Variants in ABCA3 observed in about 807,000 individuals in gnomAD.
The protein encoded by ABCA3 is ATP binding cassette subfamily A member 3.
Under a neutral mutation model 172.8 loss-of-function variants are expected in ABCA3, and 88 were observed. The observed-to-expected ratio is 0.51, with a 90% CI of 0.43 to 0.61. The LOEUF is 0.61. ABCA3 is among the 20% of genes least tolerant of loss of function. The probability of loss-of-function intolerance (pLI) is 0.00; values close to 1 mark genes in which losing one functional copy is unlikely to be tolerated. For missense variants in ABCA3, 2,164 were observed against 2,301.0 expected, an observed-to-expected ratio of 0.94 and a Z score of 1.22; for synonymous variants, 1,066 against 983.8, an observed-to-expected ratio of 1.08 and a Z score of -1.56.
rs1596861191 is a variant in ABCA3 at position 2,318,972 on chromosome 16, G to A, written c.873+609C>T. 3.3e-5 allele frequency among the ~76,000 whole-genome samples: 5 copies of A among 150,866 alleles called. No homozygotes were observed. The South Asian group carries it at 8.3e-4, about 25-fold the overall frequency. Reference sequence around the variant, plus strand: ...ATGTGCACACTTTTTTTTTTTTCAGGATCATTTTATAGCCCACTGCTGACT... The same window carrying A: ...ATGTGCACACTTTTTTTTTTTTCAGAATCATTTTATAGCCCACTGCTGACT... On this transcript the variant is annotated intron_variant, in intron 8 of 32. Transcript: ENST00000301732.
At chr16:2,321,534 C>T (rs947913511) in intron 7 of ABCA3, among the ~76,000 whole-genome samples, 8 of 152,162 alleles carry the variant, frequency 5.3e-5, no homozygotes, top group South Asian at 2.1e-4. Context: ...CCGTGAAATA[C>T]GACGTTCTCC....
At chr16:2,276,942 G>C in intron 32 of ABCA3, 137 bp from the exon 33 acceptor site, 2 of 1,335,612 alleles carry the variant, frequency 1.5e-6, no homozygotes, top group Non-Finnish European at 2.1e-6. Context: ...CAGAGCCCCA[G>C]AGAGGTCAGC....
rs753182174 is a variant in ABCA3 at position 2,319,749 on chromosome 16, G to A, written c.705C>T (p.Phe235=). 5.0e-6 allele frequency: 8 copies of A among 1,613,998 alleles called. No homozygotes were observed. The Admixed American group carries it at 6.7e-5, about 13-fold the overall frequency. Reference sequence around the variant, plus strand: ...TCTTGATGGTCACCGTCAGTCTCTGGAACAGCTGGCGTGTGGCGGCATCGG... The same window carrying A: ...TCTTGATGGTCACCGTCAGTCTCTGAAACAGCTGGCGTGTGGCGGCATCGG... ...YHADAATRQL[F]QRLTVTIKRF... is the part of the protein sequence containing the mutation. The change falls in exon 8 of 33, where the codon TTC becomes TTT. Residue 235 remains phenylalanine, a synonymous_variant. Transcript: ENST00000301732.
At chr16:2,292,751 C>T (rs1567341386) in intron 18 of ABCA3, among the ~76,000 whole-genome samples, 1 of 152,104 alleles carries the variant, frequency 6.6e-6, no homozygotes, top group African/African-American at 2.4e-5. Flanking sequence ...GAAACTCTGT[C>T]TCTACTAAAA....
chr16:2,277,796 C>T lies in ABCA3; in HGVS notation c.4909+83G>A. On this transcript the variant is annotated intron_variant, in intron 31 of 32. Coordinates refer to ENST00000301732, the MANE Select transcript of ABCA3 (RefSeq NM_001089.3). This position sits in a 1 kb window ranked among gnomAD's most constrained non-coding sequence, Gnocchi z 5.3. ...AGATGGGACTTGGCGGGGCGAGGCA[C>T]AGACGCTCCGCACAGCAGATGGGAG... 6.3e-7 allele frequency: 1 copy of T among 1,594,204 alleles called. No individual in the cohort carries two copies. The highest frequency in any genetic ancestry group is 8.5e-7 in the Non-Finnish European group (1 of 1,170,176).
chr16:2,306,203 G>A (rs972914074), intron 11 of ABCA3, among the ~76,000 whole-genome samples: 3 of 152,060 alleles, frequency 2.0e-5, no homozygotes, highest in African/African-American at 7.2e-5. Context: ...GCACGTGCCT[G>A]TAGTCCAGCT....
rs763094260 is a variant in ABCA3, at chr16:2,326,054, G to A, written c.275C>T (p.Thr92Ile). 2 of 1,614,092 alleles carry A rather than the reference G, an allele frequency of 1.2e-6. No individual in the cohort carries two copies. Among genetic ancestry groups the A allele is most frequent in the Non-Finnish European group, 8.5e-7 (1 of 1,180,026 alleles). ...TGCCCTGCGCACTGTCTCAGTGACG[G>A]TCTTGGCAGCGTCACTGTGAGAAGG... Reference protein sequence around the residue: ...YIPSHSDAAKTVTETVRRALV... With the variant: ...YIPSHSDAAKIVTETVRRALV... The change falls in exon 5 of 33, where the codon ACC becomes ATC. Residue 92 changes from threonine (T) to isoleucine (I), a missense_variant. Transcript: ENST00000301732.
chr16:2,293,539 GT>G (rs1171254786), intron 18 of ABCA3, among the ~76,000 whole-genome samples: 573 of 130,898 alleles, frequency 4.4e-3, no homozygotes, highest in African/African-American at 8.9e-3. Context: ...ACGTGGCTAA[GT>G]TTTTTTTTTT....
At chr16:2,318,594 C>T (rs980552883) in intron 8 of ABCA3, among the ~76,000 whole-genome samples, 8 of 151,570 alleles carry the variant, frequency 5.3e-5, no homozygotes, top group Non-Finnish European at 8.8e-5. Flanking sequence ...CTCACTGCAA[C>T]CTCCACCTCC....
chr16:2,335,099 G>T (rs778706459), intron 1 of ABCA3, among the ~76,000 whole-genome samples: 15 of 151,980 alleles, frequency 9.9e-5, no homozygotes, highest in Non-Finnish European at 2.1e-4. Context: ...AAAGTGCTGG[G>T]ATTACAGGTG....
chr16:2,306,159 C>T lies in ABCA3; in HGVS notation c.1286-2009G>A, dbSNP rs529212767. ...TTGAGGCCAGGAGTTTGAGACCAGC[C>T]TAGGCAACACAGACAAATTAGCCAG... On this transcript the variant is annotated intron_variant, in intron 11 of 32. Transcript: ENST00000301732. Among the ~76,000 whole-genome samples, 3 of 152,126 alleles carry T rather than the reference C, an allele frequency of 2.0e-5. No individual in the cohort carries two copies. The East Asian group carries it at 5.8e-4, about 30-fold the overall frequency.
chr16:2,314,168 G>A (rs965963922), intron 10 of ABCA3, among the ~76,000 whole-genome samples: 2 of 152,138 alleles, frequency 1.3e-5, no homozygotes, highest in African/African-American at 4.8e-5. Flanking sequence ...GAAAAGCAGG[G>A]ACCCATGTCC....
intron 8 of ABCA3, among the ~76,000 whole-genome samples, chr16:2,318,633 C>G (rs926631899): frequency 6.6e-6 from 1 of 152,140 alleles, no homozygotes; most frequent in Admixed American, 6.5e-5. Flanking sequence ...GTGCCTCAGC[C>G]TCCCAAGCAG....
intron 19 of ABCA3, among the ~76,000 whole-genome samples, chr16:2,289,997 A>ACC (rs1467355965): frequency 8.0e-5 from 12 of 150,524 alleles, no homozygotes; most frequent in African/African-American, 1.9e-4. Context: ...ACACACACAC[A>ACC]CACACCCCTT....
intron 1 of ABCA3, among the ~76,000 whole-genome samples, chr16:2,331,728 A>C (rs2093743529): frequency 6.6e-6 from 1 of 152,236 alleles, no homozygotes; most frequent in African/African-American, 2.4e-5. Context: ...GAGGCGGCAG[A>C]GTCTCCAGAA....
chr16:2,284,118 C>T lies in ABCA3; in HGVS notation c.3862+161G>A, dbSNP rs1004497607. ...TACAGGGCCTGGGAGCGAGCGGGCG[C>T]GAGGGGGCTGCTGTGGGAGGTGGGG... On this transcript the variant is annotated intron_variant, in intron 25 of 32. Coordinates refer to ENST00000301732, the MANE Select transcript of ABCA3 (RefSeq NM_001089.3). The surrounding 1 kb of genome is among the most constrained non-coding windows in gnomAD (Gnocchi z 5.9). The T allele has an allele frequency of 4.3e-5, 38 of 883,382 alleles. No homozygotes were observed. Among genetic ancestry groups the T allele is most frequent in the African/African-American group, 1.9e-4 (11 of 58,790 alleles). 54.7% of individuals were successfully genotyped at this position (883,382 alleles called of 1,614,324 possible).
chr16:2,305,113 A>G (rs1414676718), intron 11 of ABCA3, among the ~76,000 whole-genome samples: 1 of 151,466 alleles, frequency 6.6e-6, no homozygotes, highest in Non-Finnish European at 1.5e-5. Flanking sequence ...GCACCCGGCC[A>G]GTATAAGTCT....
chr16:2,336,174 G>A (rs942355178), intron 1 of ABCA3, among the ~76,000 whole-genome samples: 6 of 152,274 alleles, frequency 3.9e-5, no homozygotes, highest in East Asian at 1.9e-4. Context: ...ACGTGACTGC[G>A]TTCCCAATGA....
chr16:2,324,896 A>G (rs569213074), intron 5 of ABCA3, among the ~76,000 whole-genome samples: 71 of 152,230 alleles, frequency 4.7e-4, no homozygotes, highest in Non-Finnish European at 8.7e-4. Flanking sequence ...GTGTTTTTAC[A>G]AATGGAGTGG....
Sources: allele counts gnomAD v4.1 joint callset (sites outside exome capture counted in the v4.1 genomes callset), GRCh38; gene constraint gnomAD v4.1.1; non-coding constraint Gnocchi (gnomAD v3.1); transcripts MANE v1.5; gene names NCBI Gene and HGNC (gene_info 2026-07-23, HGNC 2026-07-21).